TCF7: variants seen among roughly 807,000 people sequenced by gnomAD.
TCF7 encodes transcription factor 7.
TCF7 carries 19 observed loss-of-function variants against 46.8 expected under a neutral mutation model. That is an observed-to-expected ratio of 0.41 (90% CI 0.28 to 0.60). The LOEUF (loss-of-function observed/expected upper bound fraction) is 0.60. Ranked by LOEUF, TCF7 falls within the 20% of genes least tolerant of loss-of-function variation. TCF7 has a pLI of 0.35. For missense variants in TCF7, 547 were observed against 504.6 expected, an observed-to-expected ratio of 1.08 and a Z score of -0.81; for synonymous variants, 245 against 213.4, an observed-to-expected ratio of 1.15 and a Z score of -1.29.
At chr5:134,113,701 CGTGGACGCAGACCCGG>C (rs1755415355), upstream of TCF7, among the ~76,000 whole-genome samples, 1 of 152,246 alleles carries the variant, frequency 6.6e-6, no homozygotes, top group Non-Finnish European at 1.5e-5. Flanking sequence ...TGGAGGCCCG[CGTGGACGCAGACCCGG>C]GTGCCATACA....
intron 9 of TCF7, chr5:134,145,546 G>C (rs1037045370): frequency 2.4e-5 from 15 of 626,252 alleles, no homozygotes; most frequent in Admixed American, 5.5e-5. Flanking sequence ...GGCCTGGCAG[G>C]GCTAAGATAG....
chr5:134,137,552 T>G (rs1040559416), intron 3 of TCF7, among the ~76,000 whole-genome samples: 2 of 151,884 alleles, frequency 1.3e-5, no homozygotes, highest in Non-Finnish European at 2.9e-5. Context: ...CTCCCCTGAT[T>G]TAGGGGATTG....
chr5:134,137,445 A>C (rs2548972), intron 3 of TCF7, among the ~76,000 whole-genome samples: 9 of 147,748 alleles, frequency 6.1e-5, no homozygotes, highest in African/African-American at 2.2e-4. Flanking sequence ...AAAAAAAAAA[A>C]AACAGAGAAA....
intron 3 of TCF7, among the ~76,000 whole-genome samples, chr5:134,118,326 T>C (rs1290598385): frequency 2.0e-5 from 3 of 152,186 alleles, no homozygotes; most frequent in Non-Finnish European, 4.4e-5. Flanking sequence ...GCTCAGGCCC[T>C]GCCACAGGCC....
At chr5:134,126,076 A>T (rs567671503) in intron 3 of TCF7, among the ~76,000 whole-genome samples, 13 of 152,410 alleles carry the variant, frequency 8.5e-5, no homozygotes, top group Non-Finnish European at 5.9e-5. Flanking sequence ...TTGAAGTTTC[A>T]TTCAAATCAG....
intron 1 of TCF7, 75 bp downstream of exon 1, chr5:134,115,230 G>A: frequency 7.7e-7 from 1 of 1,296,664 alleles, no homozygotes; most frequent in African/African-American, 1.6e-5. Flanking sequence ...CGGCCCTCGG[G>A]GTCTCCAGCG....
Position 134,114,927 on chromosome 5 carries a change from CG to C in TCF7, c.26del (p.Gly9AlafsTer48). 6 of 1,068,664 alleles carry C rather than the reference CG, an allele frequency of 5.6e-6. No homozygotes were observed. The highest frequency in any genetic ancestry group is 5.7e-6 in the Non-Finnish European group (5 of 876,558). The allele number at this position is 1,068,664 out of a possible 1,614,324, so 66.2% of individuals were successfully genotyped here. ...GCACCATGCCGCAGCTGGACTCCGG[CG>C]GGGGCGGCGCGGGCGGCGGCGACGA... MPQLDSGGGGAGGGDDLG... is the reference protein window; with the variant it reads MPQLDSGXGGAGGGDDLG... On this transcript the variant is annotated frameshift_variant, in exon 1 of 10. Coordinates refer to ENST00000342854, the MANE Select transcript of TCF7 (RefSeq NM_003202.5). LOFTEE classifies it high-confidence loss of function.
chr5:134,125,522 A>G (rs578125532), intron 3 of TCF7, among the ~76,000 whole-genome samples: 1 of 152,360 alleles, frequency 6.6e-6, no homozygotes, highest in South Asian at 2.1e-4. Flanking sequence ...TGAAAGCTTC[A>G]GGCCCTGTGG....
chr5:134,143,052 G>A lies in TCF7; in HGVS notation c.978G>A (p.Arg326=). The A allele has an allele frequency of 2.5e-6, 4 of 1,611,668 alleles. No homozygotes were observed. The highest frequency in any genetic ancestry group is 3.4e-6 in the Non-Finnish European group (4 of 1,178,896). Residue 326 remains arginine, a synonymous_variant, in exon 8 of 10, where the codon AGG becomes AGA. Coordinates refer to ENST00000342854, the MANE Select transcript of TCF7 (RefSeq NM_003202.5). The part of the protein sequence containing the change: ...AKYYELARKE[R]QLHMQLYPGW... The stretch of plus-strand genomic sequence containing the variant: ...ACTATGAGCTGGCCCGCAAGGAGAG[G>A]CAGCTGCACATGCAGCTATACCCAG...
chr5:134,144,757 C>T, intron 9 of TCF7: 2 of 1,552,634 alleles, frequency 1.3e-6, no homozygotes, highest in Non-Finnish European at 1.8e-6. Context: ...GCCTGCTCGC[C>T]CTCTGCCCTG....
chr5:134,112,221 T>C (rs1162390287), upstream of TCF7, among the ~76,000 whole-genome samples: 1 of 152,238 alleles, frequency 6.6e-6, no homozygotes, highest in Non-Finnish European at 1.5e-5. Flanking sequence ...CTAGTCCACA[T>C]TGATCTCACC....
At chr5:134,142,939 G>T in intron 7 of TCF7, 54 bp from the exon 8 acceptor site, 3 of 1,612,282 alleles carry the variant, frequency 1.9e-6, no homozygotes, top group Non-Finnish European at 2.5e-6. Flanking sequence ...CTTCAGCCTG[G>T]TGCAGCCTGC....
At chr5:134,141,095 G>A (rs1037096334) in intron 5 of TCF7, 9 of 296,062 alleles carry the variant, frequency 3.0e-5, no homozygotes, top group South Asian at 7.9e-5. Context: ...ACACCGTGCA[G>A]CAGAGCACCA....
chr5:134,109,770 C>CAAAAAAAAAA (rs59510685), upstream of TCF7, among the ~76,000 whole-genome samples: 89 of 140,282 alleles, frequency 6.3e-4, no homozygotes, highest in African/African-American at 2.4e-3. Flanking sequence ...GGCTCCATCT[C>CAAAAAAAAAA]AAAAAAAAAA....
upstream of TCF7, among the ~76,000 whole-genome samples, chr5:134,114,510 A>C (rs1205504938): frequency 1.3e-5 from 2 of 151,966 alleles, no homozygotes; most frequent in African/African-American, 4.8e-5. Context: ...GAGAAGGGTG[A>C]TCATTCCCAG....
Position 134,142,624 on chromosome 5 carries a change from T to C in TCF7, c.756-97T>C, listed in dbSNP as rs557610012. 259 of 1,477,270 alleles carry C rather than the reference T, an allele frequency of 1.8e-4. 3 individuals carry two copies. The South Asian group carries it at 3.3e-3, about 19-fold the overall frequency. 91.5% of individuals were successfully genotyped at this position (1,477,270 alleles called of 1,614,324 possible). ...TTCCACTTAGAAAACTCTGGTATCA[T>C]ACACTTAGGCACACTCTAGGCCCAC... On this transcript the variant is annotated intron_variant, in intron 6 of 9. Transcript: ENST00000342854.
chr5:134,146,274 G>A lies in TCF7; in HGVS notation c.1126G>A (p.Ala376Thr), dbSNP rs969724047. 6.2e-7 allele frequency: 1 copy of A among 1,614,168 alleles called. No homozygotes were observed. Among genetic ancestry groups the A allele is most frequent in the Non-Finnish European group, 8.5e-7 (1 of 1,180,022 alleles). The change falls in exon 10 of 10, where the codon GCC becomes ACC. Residue 376 changes from alanine to threonine, a missense_variant. By Grantham distance (58) the Ala-to-Thr change is moderately conservative. Coordinates refer to ENST00000342854, the MANE Select transcript of TCF7 (RefSeq NM_003202.5). Reference sequence around the variant, plus strand: ...TTACCCGGAGAAGGCCGCTGCCCCAGCCCCGTTCCTTCCGATGACAGTGCT... The same window carrying A: ...TTACCCGGAGAAGGCCGCTGCCCCAACCCCGTTCCTTCCGATGACAGTGCT... ...GTYPEKAAAP[A>T]PFLPMTVL is the part of the protein sequence containing the mutation.
At chr5:134,145,298 GA>G (rs750763946) in intron 9 of TCF7, 6 of 538,174 alleles carry the variant, frequency 1.1e-5, no homozygotes, top group Non-Finnish European at 2.2e-5. Context: ...CCCTTAATCT[GA>G]AAAAGCAAGG....
chr5:134,112,454 C>G (rs1018480437), upstream of TCF7, among the ~76,000 whole-genome samples: 7 of 152,120 alleles, frequency 4.6e-5, no homozygotes, highest in African/African-American at 1.7e-4. Flanking sequence ...GTGACTCAGC[C>G]CTTCTCTCCC....
Sources: gnomAD v4.1 joint callset for allele counts (sites outside exome capture counted in the v4.1 genomes callset) on GRCh38, gnomAD v4.1.1 for gene constraint, MANE v1.5 for transcripts, NCBI Gene and HGNC (gene_info 2026-07-23, HGNC 2026-07-21) for gene names.